POLR1C: variants seen among roughly 807,000 people sequenced by gnomAD.
The protein encoded by POLR1C is DNA-directed RNA polymerases I and III subunit RPAC1.
POLR1C carries 42 observed loss-of-function variants against 38.3 expected under a neutral mutation model. That is an observed-to-expected ratio of 1.10 (90% confidence interval 0.86 to 1.42). The LOEUF (loss-of-function observed/expected upper bound fraction) is 1.42. Ranked by LOEUF, POLR1C falls within the 40% of genes most tolerant of loss-of-function variation. The pLI is 0.00. For synonymous variants in POLR1C, 163 were observed against 163.9 expected (o/e 0.99, Z 0.04); for missense variants, 507 against 450.5 (o/e 1.13, Z -1.14).
chr6:43,551,206 T>C, intron 10 of POLR1C: 4 of 1,322,518 alleles, frequency 3.0e-6, no homozygotes, highest in South Asian at 3.6e-5. Context: ...GCCTGGGCAA[T>C]GTAGCAAGAT....
intron 10 of POLR1C, chr6:43,558,386 T>A (rs1002061004): frequency 1.1e-6 from 1 of 873,276 alleles, no homozygotes; most frequent in Non-Finnish European, 1.7e-6. Flanking sequence ...ATAAGTAGGC[T>A]GCTATCCAGA....
At chr6:43,522,793 C>T (rs1158647976), downstream of POLR1C, 3 of 424,116 alleles carry the variant, frequency 7.1e-6, no homozygotes, top group African/African-American at 6.1e-5. Context: ...TGGATTAACT[C>T]TGCCTTACGG....
chr6:43,543,695 CG>C (rs1423463372), intron 9 of POLR1C, among the ~76,000 whole-genome samples: 1 of 151,212 alleles, frequency 6.6e-6, no homozygotes, highest in Admixed American at 6.6e-5. Flanking sequence ...TTTTTTGAGA[CG>C]GAGTCTTCCC....
Position 43,561,968 on chromosome 6 carries a change from G to GT in POLR1C, c.*618dup, listed in dbSNP as rs1027170745. 4 of 271,828 alleles carry GT rather than the reference G, an allele frequency of 1.5e-5. No homozygotes were observed. The East Asian group carries it at 2.2e-4, about 15-fold the overall frequency. 16.8% of individuals were successfully genotyped at this position (271,828 alleles called of 1,614,324 possible). A position where few individuals can be genotyped will look rare whatever the true frequency, so the allele number is the denominator to read the frequency against. On this transcript the variant is annotated 3_prime_UTR_variant, in exon 11 of 11. Transcript: ENST00000607635. The stretch of plus-strand genomic sequence containing the variant: ...AAAGCACTCAGCAGATTGAGGTTCT[G>GT]TAAGTACCAAAATTCACAAGAAACC...
chr6:43,541,431 A>T (rs910456359), intron 9 of POLR1C, among the ~76,000 whole-genome samples: 2 of 152,240 alleles, frequency 1.3e-5, no homozygotes, highest in East Asian at 3.8e-4. Flanking sequence ...CTAACAAAAA[A>T]CATCCCCACC....
At chr6:43,531,668 G>A (rs1793988451), downstream of POLR1C, 3 of 1,064,716 alleles carry the variant, frequency 2.8e-6, no homozygotes, top group African/African-American at 1.6e-5. Flanking sequence ...GTTCAGGGGT[G>A]AAGATGTGTG....
chr6:43,546,460 TCA>T, intron 9 of POLR1C: 1 of 1,060,800 alleles, frequency 9.4e-7, no homozygotes, highest in Non-Finnish European at 1.3e-6. Flanking sequence ...AAGACTTAAA[TCA>T]ATCCCTCATT....
At chr6:43,525,433 T>G (rs1793518799), downstream of POLR1C, 1 of 550,714 alleles carries the variant, frequency 1.8e-6, no homozygotes, top group Non-Finnish European at 3.2e-6. Context: ...CCACCATGCC[T>G]GGCTTAGGAG....
Position 43,520,417 on chromosome 6 carries a change from CA to C in POLR1C, c.647del (p.Lys216ArgfsTer38). On this transcript the variant is annotated frameshift_variant, in exon 6 of 9. Coordinates refer to ENST00000642195, the MANE Select transcript of POLR1C (RefSeq NM_203290.4). LOFTEE classifies it high-confidence loss of function. ...AAATTGACCTGCTCATGCACTGTGTCAAGGGCATTGGTGAGAACCCTGTGTG... is the reference window on the plus strand; with the variant it reads ...AAATTGACCTGCTCATGCACTGTGTCAGGGCATTGGTGAGAACCCTGTGTG... ...QEIDLLMHCVKGIGKDHAKFS... is the reference protein window; with the variant it reads ...QEIDLLMHCVXGIGKDHAKFS... 1 of 1,613,620 alleles carries C rather than the reference CA, an allele frequency of 6.2e-7. No homozygotes were observed. Among genetic ancestry groups the C allele is most frequent in the East Asian group, 2.2e-5 (1 of 44,886 alleles).
At chr6:43,552,361 C>CT (rs950632028) in intron 10 of POLR1C, among the ~76,000 whole-genome samples, 45 of 151,102 alleles carry the variant, frequency 3.0e-4, no homozygotes, top group African/African-American at 6.8e-4. Context: ...CCACCCTTTT[C>CT]TTTTTTTTTA....
At chr6:43,557,597 G>A (rs1762167073) in intron 10 of POLR1C, among the ~76,000 whole-genome samples, 1 of 152,068 alleles carries the variant, frequency 6.6e-6, no homozygotes, top group African/African-American at 2.4e-5. Flanking sequence ...CTAGGACTGG[G>A]AGAGATGAGG....
At chr6:43,558,837 T>G (rs964527997) in intron 10 of POLR1C, 2 of 384,530 alleles carry the variant, frequency 5.2e-6, no homozygotes, top group Non-Finnish European at 9.3e-6. Context: ...CAGGGAGAAT[T>G]AAATTCTTGA....
chr6:43,562,315 G>A, exon 11 of POLR1C: 3 of 1,609,414 alleles, frequency 1.9e-6, no homozygotes, highest in Non-Finnish European at 2.5e-6. Context: ...AAGACGTAGT[G>A]TTTTTCTACC....
At chr6:43,553,660 G>A (rs992498218) in intron 10 of POLR1C, 11 of 1,386,286 alleles carry the variant, frequency 7.9e-6, no homozygotes, top group Non-Finnish European at 1.0e-5. Flanking sequence ...TCTCAGCTGG[G>A]GCAAAGAAAA....
intron 9 of POLR1C, chr6:43,549,686 C>A: frequency 7.3e-7 from 1 of 1,361,202 alleles, no homozygotes; most frequent in Non-Finnish European, 1.0e-6. Context: ...AATGATTTTT[C>A]ACAACCCTAA....
downstream of POLR1C, among the ~76,000 whole-genome samples, chr6:43,530,157 TG>T (rs1413024257): frequency 6.6e-6 from 1 of 152,166 alleles, no homozygotes; most frequent in Non-Finnish European, 1.5e-5. Context: ...CTTGGGAGGC[TG>T]AGGCACATGA....
In POLR1C at chr6:43,562,313, G is replaced by C. The variant is rs770078276; in HGVS notation, c.*962G>C. 39 of 1,609,466 alleles carry C rather than the reference G, an allele frequency of 2.4e-5. No homozygotes were observed. Among genetic ancestry groups the C allele is most frequent in the Non-Finnish European group, 2.5e-5 (30 of 1,178,154 alleles). On this transcript the variant is annotated 3_prime_UTR_variant, in exon 11 of 11. Coordinates refer to the POLR1C transcript ENST00000607635. ...GACAGAGCCTCTTCAGAAAGACGTAGTGTTTTTCTACCAAACCTCCTCCAT... is the reference window on the plus strand; with the variant it reads ...GACAGAGCCTCTTCAGAAAGACGTACTGTTTTTCTACCAAACCTCCTCCAT...
intron 10 of POLR1C, chr6:43,558,728 C>T (rs1762247344): frequency 3.2e-6 from 2 of 622,298 alleles, no homozygotes; most frequent in East Asian, 6.0e-5. Flanking sequence ...TAAATATCCA[C>T]TTCAGTTCTA....
At chr6:43,529,004 A>C in intron 8 of POLR1C, 2 of 1,335,910 alleles carry the variant, frequency 1.5e-6, no homozygotes, top group Admixed American at 2.2e-5. Flanking sequence ...ACCCCTGGGC[A>C]GAATCAATCC....
Sources: gnomAD v4.1 joint callset for allele counts (sites outside exome capture counted in the v4.1 genomes callset) on GRCh38, gnomAD v4.1.1 for gene constraint, MANE v1.5 for transcripts, NCBI Gene and HGNC (gene_info 2026-07-23, HGNC 2026-07-21) for gene names.